FCHSD2: variants seen among roughly 807,000 people sequenced by gnomAD.
FCHSD2 encodes the protein FCH and double SH3 domains 2.
Under a neutral mutation model 108.1 loss-of-function variants are expected in FCHSD2, and 38 were observed. The observed-to-expected ratio is 0.35, with a 90% CI of 0.27 to 0.46. The LOEUF (loss-of-function observed/expected upper bound fraction) is 0.46. FCHSD2 is among the 20% of genes least tolerant of loss of function. The probability of loss-of-function intolerance (pLI) is 1.00; values close to 1 mark genes in which losing one functional copy is unlikely to be tolerated. For missense variants in FCHSD2, 751 were observed against 897.8 expected (o/e 0.84, Z 2.09); for synonymous variants, 279 against 314.7 (o/e 0.89, Z 1.20).
intron 5 of FCHSD2, among the ~76,000 whole-genome samples, chr11:72,999,931 C>T (rs1857594585): frequency 6.6e-6 from 1 of 152,002 alleles, no homozygotes; most frequent in African/African-American, 2.4e-5. Flanking sequence ...AAATCACTGG[C>T]CAGTGATCAC....
At chr11:72,890,672 CTT>C (rs750371941) in intron 10 of FCHSD2, among the ~76,000 whole-genome samples, 1 of 145,518 alleles carries the variant, frequency 6.9e-6, no homozygotes, top group South Asian at 2.2e-4. Context: ...CTTCATATAA[CTT>C]TTTTTTTTTT....
chr11:73,045,582 G>C (rs1055628193), intron 3 of FCHSD2, among the ~76,000 whole-genome samples: 1 of 150,846 alleles, frequency 6.6e-6, no homozygotes, highest in Non-Finnish European at 1.5e-5. Flanking sequence ...GGAATACTAT[G>C]CAGCCATAAA....
chr11:73,023,365 A>G (rs1457636516), intron 3 of FCHSD2, among the ~76,000 whole-genome samples: 1 of 152,226 alleles, frequency 6.6e-6, no homozygotes, highest in Admixed American at 6.5e-5. Flanking sequence ...ACACATTTTT[A>G]AAATGGGCAA....
intron 8 of FCHSD2, among the ~76,000 whole-genome samples, chr11:72,927,060 T>C (rs182833308): frequency 6.6e-6 from 1 of 152,312 alleles, no homozygotes. Context: ...GTTTTTACTA[T>C]CTTAACAATT....
At chr11:72,940,355 C>A in intron 8 of FCHSD2, 1 of 434,052 alleles carries the variant, frequency 2.3e-6, no homozygotes, top group Non-Finnish European at 4.1e-6. Flanking sequence ...TAGAAACATG[C>A]TAGTTTCTAA....
intron 3 of FCHSD2, among the ~76,000 whole-genome samples, chr11:73,020,959 T>C (rs1858086960): frequency 2.0e-5 from 3 of 152,214 alleles, no homozygotes; most frequent in South Asian, 2.1e-4. Context: ...ACTGAAGTCT[T>C]GAACTCCTGG....
intron 10 of FCHSD2, among the ~76,000 whole-genome samples, chr11:72,890,550 G>A (rs931227621): frequency 6.6e-6 from 1 of 151,926 alleles, no homozygotes; most frequent in Non-Finnish European, 1.5e-5. Flanking sequence ...GATCACCAAG[G>A]GTTTCTTCTA....
At chr11:73,134,960 T>C (rs1045902891) in intron 2 of FCHSD2, among the ~76,000 whole-genome samples, 3 of 152,178 alleles carry the variant, frequency 2.0e-5, no homozygotes, top group Non-Finnish European at 2.9e-5. Flanking sequence ...TTCTCCTGCC[T>C]CAGCCTCCCA....
At chr11:72,875,675 C>T (rs1854954175) in intron 12 of FCHSD2, among the ~76,000 whole-genome samples, 1 of 152,146 alleles carries the variant, frequency 6.6e-6, no homozygotes, top group South Asian at 2.1e-4. Context: ...ATGATTTAAT[C>T]AAGGTCACAC....
chr11:72,879,930 C>T lies in FCHSD2; in HGVS notation c.1146+7540G>A, dbSNP rs566719135. Among the ~76,000 whole-genome samples, 167 of 142,448 alleles carry T rather than the reference C, an allele frequency of 1.2e-3. 1 individual carries two copies. Among genetic ancestry groups the T allele is most frequent in the African/African-American group, 4.2e-3 (163 of 38,670 alleles). The allele number at this position is 142,448 out of a possible 152,430, so 93.5% of individuals were successfully genotyped here. A position where few individuals can be genotyped will look rare whatever the true frequency, so the allele number is the denominator to read the frequency against. ...CGAACAATCGGTTGAACCCAGGAGG[C>T]GGAGCTTGACGTGAGCCGAGATCGC... On this transcript the variant is annotated intron_variant, in intron 12 of 19. Coordinates refer to ENST00000409418, the MANE Select transcript of FCHSD2 (RefSeq NM_014824.3).
chr11:73,006,123 T>A (rs938598606), intron 4 of FCHSD2, among the ~76,000 whole-genome samples: 3 of 152,028 alleles, frequency 2.0e-5, no homozygotes, highest in Non-Finnish European at 4.4e-5. Context: ...TTAATCTGCA[T>A]CTTGAACTCC....
Position 72,849,830 on chromosome 11 carries a change from G to T in FCHSD2, c.1368C>A (p.Phe456Leu), listed in dbSNP as rs767103922. The change falls in exon 14 of 20, where the codon TTC (phenylalanine) becomes TTA (leucine). Residue 456 changes from phenylalanine (F) to leucine (L), a missense_variant. Phe to Leu is a conservative substitution (Grantham distance 22, BLOSUM62 0). Coordinates refer to ENST00000409418, the MANE Select transcript of FCHSD2 (RefSeq NM_014824.3). ...CAGAAGGGCTGGAACTGCTGTCATC[G>T]AAAACATCCATGTTATCTTCAAACT... is the stretch of plus-strand genomic sequence containing the variant. ...GEEFEDNMDV[F>L]DDSSSSPSGT... The T allele has an allele frequency of 1.3e-5, 21 of 1,612,612 alleles. No homozygotes were observed. The highest frequency in any genetic ancestry group is 1.7e-4 in the Middle Eastern group (1 of 6,054).
At chr11:72,978,854 CTTT>C (rs1190277188) in intron 8 of FCHSD2, among the ~76,000 whole-genome samples, 3 of 110,872 alleles carry the variant, frequency 2.7e-5, no homozygotes, top group South Asian at 3.2e-4. Context: ...GTAGCTCTTT[CTTT>C]TTTTTTTTTT....
chr11:73,088,810 A>G (rs1859886075), intron 2 of FCHSD2, among the ~76,000 whole-genome samples: 1 of 152,188 alleles, frequency 6.6e-6, no homozygotes. Flanking sequence ...TAAAAAGCCT[A>G]TCTATATATT....
At chr11:72,888,766 G>A (rs1293657004) in intron 11 of FCHSD2, among the ~76,000 whole-genome samples, 2 of 151,776 alleles carry the variant, frequency 1.3e-5, no homozygotes, top group African/African-American at 2.4e-5. Context: ...GAAGATAGGT[G>A]TGCGCCCCCA....
At chr11:72,974,257 C>G (rs1332187610) in intron 8 of FCHSD2, among the ~76,000 whole-genome samples, 1 of 152,116 alleles carries the variant, frequency 6.6e-6, no homozygotes, top group African/African-American at 2.4e-5. Context: ...TGGTAGAAAG[C>G]AGAAGAGCAA....
chr11:73,133,661 T>C (rs966936555), intron 2 of FCHSD2, among the ~76,000 whole-genome samples: 1 of 151,804 alleles, frequency 6.6e-6, no homozygotes, highest in Non-Finnish European at 1.5e-5. Context: ...CTGGGTACGG[T>C]GGCGGGCACC....
chr11:72,915,886 A>T (rs1855862867), intron 9 of FCHSD2, among the ~76,000 whole-genome samples: 1 of 152,224 alleles, frequency 6.6e-6, no homozygotes, highest in East Asian at 1.9e-4. Flanking sequence ...CTATGCAGCC[A>T]TAAAAAAGAA....
At chr11:72,988,385 T>C (rs561939918) in intron 6 of FCHSD2, among the ~76,000 whole-genome samples, 2,059 of 152,264 alleles carry the variant, frequency 0.014, 49 homozygotes, top group African/African-American at 0.045. Flanking sequence ...TCCTACTTAT[T>C]CTTAAAAAAA....
Sources: gnomAD v4.1 joint callset for allele counts (sites outside exome capture counted in the v4.1 genomes callset) on GRCh38, gnomAD v4.1.1 for gene constraint, MANE v1.5 for transcripts, NCBI Gene and HGNC (gene_info 2026-07-23, HGNC 2026-07-21) for gene names.